The following AGBL1 variants were observed in gnomAD, a reference collection of about 807,000 sequenced individuals.
The protein encoded by AGBL1 is AGBL carboxypeptidase 1.
Under a neutral mutation model 118.9 loss-of-function variants are expected in AGBL1, and 130 were observed. The ratio of observed to expected loss-of-function variants is 1.09; its 90% CI spans 0.95 to 1.26. The LOEUF (loss-of-function observed/expected upper bound fraction) is 1.26. AGBL1 is among the 50% of genes most tolerant of loss of function. The pLI, the probability that AGBL1 is intolerant of heterozygous loss-of-function variation, is 0.00. For synonymous variants in AGBL1, 555 were observed against 478.9 expected (o/e 1.16, Z -2.08); for missense variants, 1,584 against 1,298.1 (o/e 1.22, Z -3.38).
chr15:86,834,085 T>A (rs1216946246), intron 22 of AGBL1, among the ~76,000 whole-genome samples: 5 of 152,138 alleles, frequency 3.3e-5, no homozygotes, highest in African/African-American at 1.2e-4. Flanking sequence ...TTGATCACTA[T>A]GAGGCATTAT....
At chr15:86,747,132 T>TA (rs1381652131) in intron 22 of AGBL1, among the ~76,000 whole-genome samples, 1 of 152,020 alleles carries the variant, frequency 6.6e-6, no homozygotes, top group Non-Finnish European at 1.5e-5. Context: ...CTTCCGCCTT[T>TA]AAAAGAGCAT....
At chr15:86,900,721 A>T (rs1376074674) in intron 22 of AGBL1, among the ~76,000 whole-genome samples, 1 of 152,120 alleles carries the variant, frequency 6.6e-6, no homozygotes, top group African/African-American at 2.4e-5. Context: ...TGGTATACAA[A>T]ATAAATATCT....
chr15:86,079,979 G>A lies in AGBL1; in HGVS notation c.7G>A (p.Glu3Lys), dbSNP rs1895156919. The A allele has an allele frequency of 1.6e-5, 20 of 1,232,168 alleles. No individual in the cohort carries two copies. Among genetic ancestry groups the A allele is most frequent in the Non-Finnish European group, 1.9e-5 (19 of 987,988 alleles). 76.3% of individuals were successfully genotyped at this position (1,232,168 alleles called of 1,614,324 possible). The stretch of plus-strand genomic sequence containing the variant: ...CCTAGGACCCGAGAAAAGGATGGCC[G>A]AACAAGAAGCTAGTGGGCTACAGGT... MA[E>K]QEASGLQVLL... The change falls in exon 1 of 23, where the codon GAA (glutamate) becomes AAA (lysine). Residue 3 changes from glutamate to lysine, a missense_variant. Transcript: ENST00000614907.
At chr15:86,635,207 A>G (rs1431127256) in intron 21 of AGBL1, among the ~76,000 whole-genome samples, 3 of 148,180 alleles carry the variant, frequency 2.0e-5, no homozygotes, top group East Asian at 2.0e-4. Context: ...GTCTTGCCCT[A>G]TTTTGGGTGG....
chr15:86,550,525 G>A (rs1200129162), intron 20 of AGBL1, among the ~76,000 whole-genome samples: 1 of 152,056 alleles, frequency 6.6e-6, no homozygotes, highest in Non-Finnish European at 1.5e-5. Flanking sequence ...TATTACTAGA[G>A]CTAAGGGTGC....
At position 86,457,383 on chromosome 15, in the gene AGBL1, C is replaced by T. The variant is rs184531323; in HGVS notation, c.2555+59837C>T. Among the ~76,000 whole-genome samples, 20 of 152,238 alleles carry T rather than the reference C, an allele frequency of 1.3e-4. No homozygotes were observed. The East Asian group carries it at 3.3e-3, about 25-fold the overall frequency. On this transcript the variant is annotated intron_variant, in intron 18 of 22. Coordinates refer to ENST00000614907, the MANE Select transcript of AGBL1 (RefSeq NM_001386094.1). ...GAGGAGTTTCACTCAACAGGTTCGT[C>T]GCAGCCTCTGCACCCAAGACCCCGC...
At chr15:86,614,580 G>A (rs2084697672) in intron 21 of AGBL1, among the ~76,000 whole-genome samples, 1 of 152,130 alleles carries the variant, frequency 6.6e-6, no homozygotes, top group South Asian at 2.1e-4. Context: ...AATCCCTCTG[G>A]TGTAAATATT....
chr15:86,780,134 C>A (rs1302321632), intron 22 of AGBL1, among the ~76,000 whole-genome samples: 1 of 152,170 alleles, frequency 6.6e-6, no homozygotes, highest in South Asian at 2.1e-4. Context: ...GGTCTATGAT[C>A]CACTTTTAGT....
intron 16 of AGBL1, among the ~76,000 whole-genome samples, chr15:86,284,195 A>T (rs939371685): frequency 2.6e-5 from 4 of 151,080 alleles, no homozygotes; most frequent in Non-Finnish European, 2.9e-5. Flanking sequence ...TTAAAATAAA[A>T]AAAAAAAAAC....
At chr15:86,810,146 C>T (rs1210134203) in intron 22 of AGBL1, among the ~76,000 whole-genome samples, 1 of 152,026 alleles carries the variant, frequency 6.6e-6, no homozygotes, top group Non-Finnish European at 1.5e-5. Flanking sequence ...CAATAAAAAC[C>T]ACATCAGTCT....
At chr15:86,871,372 A>G (rs1260882913) in intron 22 of AGBL1, among the ~76,000 whole-genome samples, 1 of 152,198 alleles carries the variant, frequency 6.6e-6, no homozygotes, top group Non-Finnish European at 1.5e-5. Context: ...TTCACAAAAC[A>G]AGCCTAAATG....
At chr15:86,333,883 T>C (rs981780798) in intron 17 of AGBL1, among the ~76,000 whole-genome samples, 1 of 152,184 alleles carries the variant, frequency 6.6e-6, no homozygotes, top group African/African-American at 2.4e-5. Context: ...GTTCAACATA[T>C]GCAAATCAAT....
intron 22 of AGBL1, among the ~76,000 whole-genome samples, chr15:86,833,428 C>T (rs1168548754): frequency 2.0e-5 from 3 of 152,036 alleles, no homozygotes; most frequent in Non-Finnish European, 4.4e-5. Flanking sequence ...GTGAGTAAGT[C>T]TCAGAAGATC....
chr15:86,518,501 C>A (rs1162389459), intron 18 of AGBL1, among the ~76,000 whole-genome samples: 1 of 152,006 alleles, frequency 6.6e-6, no homozygotes, highest in Non-Finnish European at 1.5e-5. Context: ...AGTTGAGATG[C>A]TTTTGTTTGG....
chr15:86,332,422 G>A lies in AGBL1; in HGVS notation c.2374+37014G>A, dbSNP rs959207996. ...AGCACTTTGGGAGGCTGAGGTGGGC[G>A]GATCACGAGGTCAGGAGATCGAGAC... is the stretch of plus-strand genomic sequence containing the variant. On this transcript the variant is annotated intron_variant, in intron 17 of 22. Coordinates refer to ENST00000614907, the MANE Select transcript of AGBL1 (RefSeq NM_001386094.1). 1.6e-4 allele frequency among the ~76,000 whole-genome samples: 25 copies of A among 152,092 alleles called. 1 individual carries two copies. The South Asian group carries it at 1.7e-3, about 10-fold the overall frequency.
intron 24 of AGBL1, among the ~76,000 whole-genome samples, chr15:87,021,309 A>G (rs8030730): frequency 0.075 from 11,338 of 152,172 alleles, 1,433 homozygotes; most frequent in African/African-American, 0.26. Context: ...TTAAAACTGG[A>G]CCTCTTCCTT....
chr15:86,490,186 C>T (rs1186106958), intron 18 of AGBL1, among the ~76,000 whole-genome samples: 1 of 152,054 alleles, frequency 6.6e-6, no homozygotes, highest in Non-Finnish European at 1.5e-5. Flanking sequence ...TGAGAAGTTA[C>T]TCCAGATGCA....
At chr15:86,400,123 C>T (rs1297216024) in intron 18 of AGBL1, among the ~76,000 whole-genome samples, 1 of 152,134 alleles carries the variant, frequency 6.6e-6, no homozygotes, top group Non-Finnish European at 1.5e-5. Flanking sequence ...TATCTAATTT[C>T]TGCTTGAACT....
At chr15:86,985,496 A>G (rs775671468) in intron 23 of AGBL1, among the ~76,000 whole-genome samples, 2 of 152,236 alleles carry the variant, frequency 1.3e-5, no homozygotes, top group African/African-American at 2.4e-5. Flanking sequence ...AACGCTGCTA[A>G]GCAGCTTTTC....
Sources: allele counts gnomAD v4.1 joint callset (sites outside exome capture counted in the v4.1 genomes callset), GRCh38; gene constraint gnomAD v4.1.1; transcripts MANE v1.5; gene names NCBI Gene and HGNC (gene_info 2026-07-23, HGNC 2026-07-21).